Variants in ESR2 observed in about 807,000 individuals in gnomAD.
ESR2 encodes estrogen receptor 2, also known as estrogen receptor beta.
In ESR2, 36 loss-of-function variants were observed where a neutral mutation model predicts 49.6. The ratio of observed to expected loss-of-function variants is 0.73; its 90% CI spans 0.56 to 0.96. The LOEUF is 0.96. Ranked by LOEUF, ESR2 falls within the 40% of genes least tolerant of loss-of-function variation. The pLI, the probability that ESR2 is intolerant of heterozygous loss-of-function variation, is 0.00. For synonymous variants in ESR2, 320 were observed against 266.1 expected (o/e 1.20, Z -1.97); for missense variants, 714 against 693.0 (o/e 1.03, Z -0.34).
chr14:64,322,841 T>G (rs2077341308), intron 1 of ESR2, among the ~76,000 whole-genome samples: 1 of 152,214 alleles, frequency 6.6e-6, no homozygotes, highest in Non-Finnish European at 1.5e-5. Context: ...AGATACTTAT[T>G]TTCACATTAT....
intron 6 of ESR2, among the ~76,000 whole-genome samples, chr14:64,251,320 A>C (rs1272009086): frequency 3.3e-5 from 5 of 151,754 alleles, no homozygotes; most frequent in African/African-American, 4.8e-5. Flanking sequence ...AAAAAAAAAA[A>C]AACAAAAAAA....
At position 64,243,056 on chromosome 14, in the gene ESR2, T is replaced by G. The variant is rs7152484; in HGVS notation, c.1225+6490A>C. On this transcript the variant is annotated intron_variant, in intron 7 of 8. Transcript: ENST00000341099. The stretch of plus-strand genomic sequence containing the variant: ...GACCTGCTCCCATGATTCAATCATC[T>G]CCCACCAGGTCCCTCCCACAACATG... Among the ~76,000 whole-genome samples, 398 of 152,270 alleles carry G rather than the reference T, an allele frequency of 2.6e-3. 2 individuals carry two copies. The highest frequency in any genetic ancestry group is 9.1e-3 in the African/African-American group (380 of 41,536).
chr14:64,313,386 C>T (rs1382430958), intron 1 of ESR2, among the ~76,000 whole-genome samples: 4 of 151,660 alleles, frequency 2.6e-5, no homozygotes, highest in Admixed American at 6.6e-5. Flanking sequence ...ATACAAAAAT[C>T]AGCCAGATGT....
intron 6 of ESR2, among the ~76,000 whole-genome samples, chr14:64,252,325 A>G (rs77088374): frequency 0.01 from 1,562 of 151,870 alleles, 17 homozygotes; most frequent in Non-Finnish European, 0.017. Context: ...AAAAAAAAAC[A>G]AAAACAAAAA....
chr14:64,232,214 G>T lies in ESR2; in HGVS notation c.*923C>A, dbSNP rs1256065. The T allele has an allele frequency of 0.65, 99,017 of 152,016 alleles. 33,860 individuals carry two copies. The highest frequency in any genetic ancestry group is 0.88 in the African/African-American group (36,374 of 41,474). 9.4% of individuals were successfully genotyped at this position (152,016 alleles called of 1,614,324 possible). A position where few individuals can be genotyped will look rare whatever the true frequency, so the allele number is the denominator to read the frequency against. ...CCCTGACTACTTGTGGTGACTGATG[G>T]GGCAATTGTGGCTGCTACTTATGAG... is the stretch of plus-strand genomic sequence containing the variant. On this transcript the variant is annotated 3_prime_UTR_variant, in exon 9 of 9. Coordinates refer to ENST00000341099, the MANE Select transcript of ESR2 (RefSeq NM_001437.3).
chr14:64,239,639 G>C (rs969930444), intron 7 of ESR2, among the ~76,000 whole-genome samples: 1 of 152,080 alleles, frequency 6.6e-6, no homozygotes, highest in African/African-American at 2.4e-5. Context: ...TGTTGGGTAG[G>C]CTATTTTATT....
chr14:64,310,896 A>T (rs2077180976), intron 1 of ESR2, among the ~76,000 whole-genome samples: 1 of 152,170 alleles, frequency 6.6e-6, no homozygotes, highest in Admixed American at 6.5e-5. Flanking sequence ...TGATTTCAAA[A>T]TATCATTTAT....
intron 1 of ESR2, among the ~76,000 whole-genome samples, chr14:64,322,326 TG>T (rs1230775367): frequency 2.6e-5 from 4 of 152,246 alleles, no homozygotes; most frequent in Middle Eastern, 3.4e-3. Flanking sequence ...CCCAAAGTGC[TG>T]GGATTACAGG....
At chr14:64,254,826 CAA>C (rs573433154) in intron 6 of ESR2, among the ~76,000 whole-genome samples, 4 of 133,782 alleles carry the variant, frequency 3.0e-5, no homozygotes, top group East Asian at 2.2e-4. Context: ...GTAGTCATTC[CAA>C]AAAAAAAAAA....
rs754382190 is a variant in ESR2, at chr14:64,282,988, C to G, written c.-3G>C. On this transcript the variant is annotated 5_prime_UTR_variant, in exon 2 of 9. Coordinates refer to ENST00000341099, the MANE Select transcript of ESR2 (RefSeq NM_001437.3). ...GATGGTGAGTTTTTTATATCCATGT[C>G]TTGAGATAACAGCTGAGAAAACACC... 1 of 1,608,390 alleles carries G rather than the reference C, an allele frequency of 6.2e-7. No individual in the cohort carries two copies. The highest frequency in any genetic ancestry group is 1.1e-5 in the South Asian group (1 of 90,240).
intron 7 of ESR2, among the ~76,000 whole-genome samples, chr14:64,248,820 G>A (rs970852042): frequency 9.2e-5 from 14 of 152,036 alleles, no homozygotes; most frequent in African/African-American, 3.4e-4. Context: ...CCCGGCTTCA[G>A]TCTCTGCCCT....
chr14:64,256,993 G>A (rs1351411107), intron 6 of ESR2, among the ~76,000 whole-genome samples: 2 of 152,062 alleles, frequency 1.3e-5, no homozygotes, highest in Admixed American at 6.5e-5. Flanking sequence ...CTATTAAAGC[G>A]CTGGCCTGTA....
Position 64,248,813 on chromosome 14 carries a change from G to A in ESR2, c.1225+733C>T, listed in dbSNP as rs181197346. Among the ~76,000 whole-genome samples the A allele has an allele frequency of 3.9e-5, 6 of 152,098 alleles. No homozygotes were observed. The East Asian group carries it at 7.7e-4, about 20-fold the overall frequency. Reference sequence around the variant, plus strand: ...CTCTCATTGCCTCTAATGGGCCCCCGGCTTCAGTCTCTGCCCTTTCTAGTC... The same window carrying A: ...CTCTCATTGCCTCTAATGGGCCCCCAGCTTCAGTCTCTGCCCTTTCTAGTC... On this transcript the variant is annotated intron_variant, in intron 7 of 8. Transcript: ENST00000341099.
rs186097723 is a variant in ESR2, at chr14:64,244,196, C to T, written c.1225+5350G>A. On this transcript the variant is annotated intron_variant, in intron 7 of 8. Transcript: ENST00000341099. Reference sequence around the variant, plus strand: ...GGTGGATCACTTGAGGTCAGGAGTTCGAGACCAGCCTGTCTAATGTGGTGA... The same window carrying T: ...GGTGGATCACTTGAGGTCAGGAGTTTGAGACCAGCCTGTCTAATGTGGTGA... Among the ~76,000 whole-genome samples the T allele has an allele frequency of 4.7e-3, 716 of 152,094 alleles. 1 individual carries two copies. The highest frequency in any genetic ancestry group is 7.0e-3 in the Admixed American group (107 of 15,272).
chr14:64,278,582 A>G (rs1170718734), intron 3 of ESR2, among the ~76,000 whole-genome samples: 6 of 152,198 alleles, frequency 3.9e-5, no homozygotes, highest in Non-Finnish European at 8.8e-5. Context: ...TAGAAAAAGG[A>G]AGGGAGCTTT....
chr14:64,300,624 G>T (rs922102379), intron 1 of ESR2, among the ~76,000 whole-genome samples: 1 of 152,050 alleles, frequency 6.6e-6, no homozygotes, highest in African/African-American at 2.4e-5. Context: ...ACCAGGTGTG[G>T]TGGCACCTGT....
chr14:64,248,532 A>G (rs1165141150), intron 7 of ESR2, among the ~76,000 whole-genome samples: 1 of 151,620 alleles, frequency 6.6e-6, no homozygotes, highest in Admixed American at 6.6e-5. Context: ...AGAAAAAAAA[A>G]AAGAAAGAAA....
At position 64,280,106 on chromosome 14, in the gene ESR2, A is replaced by G. The variant is rs778231084; in HGVS notation, c.410T>C (p.Val137Ala). 6 of 1,614,174 alleles carry G rather than the reference A, an allele frequency of 3.7e-6. No individual in the cohort carries two copies. The highest frequency in any genetic ancestry group is 4.2e-6 in the Non-Finnish European group (5 of 1,179,986). Reference sequence around the variant, plus strand: ...ATCCCTCTTTGAACCTGGACCAGTAACAGGGCTGGCGCAACGGTTCCCACT... The same window carrying G: ...ATCCCTCTTTGAACCTGGACCAGTAGCAGGGCTGGCGCAACGGTTCCCACT... ...KVSGNRCASP[V>A]TGPGSKRDAH... The change falls in exon 3 of 9, where the codon GTT becomes GCT. Residue 137 changes from valine (V) to alanine (A), a missense_variant. Coordinates refer to ENST00000341099, the MANE Select transcript of ESR2 (RefSeq NM_001437.3).
rs35866794 is a variant in ESR2, at chr14:64,322,518, G to GAA, written c.-91+15378_-91+15379dup. Among the ~76,000 whole-genome samples, 666 of 86,456 alleles carry GAA rather than the reference G, an allele frequency of 7.7e-3. 6 individuals carry two copies. The highest frequency in any genetic ancestry group is 0.023 in the African/African-American group (635 of 28,030). The allele number at this position is 86,456 out of a possible 152,430, so 56.7% of individuals were successfully genotyped here. A position where few individuals can be genotyped will look rare whatever the true frequency, so the allele number is the denominator to read the frequency against. On this transcript the variant is annotated intron_variant, in intron 1 of 8. Transcript: ENST00000358599. Reference sequence around the variant, plus strand: ...AGTAAGACCTTATCTCCACAGAAAGGAAAAAAAAAAAAAAAAAAAGATCCT... The same window carrying GAA: ...AGTAAGACCTTATCTCCACAGAAAGGAAAAAAAAAAAAAAAAAAAAAGATCCT...
Sources: gnomAD v4.1 joint callset for allele counts (sites outside exome capture counted in the v4.1 genomes callset) on GRCh38, gnomAD v4.1.1 for gene constraint, MANE v1.5 for transcripts, NCBI Gene and HGNC (gene_info 2026-07-23, HGNC 2026-07-21) for gene names.